The following DOP1B variants were observed in gnomAD, a reference collection of about 807,000 sequenced individuals.
The protein encoded by DOP1B is DOP1 leucine zipper like protein B.
A neutral mutation model predicts 233.5 loss-of-function variants in DOP1B; 174 were observed. That is an observed-to-expected ratio of 0.75 (90% CI 0.66 to 0.85). The LOEUF is 0.85. DOP1B is among the 40% of genes least tolerant of loss of function. DOP1B has a pLI of 0.00. For missense variants in DOP1B, 2,652 were observed against 2,846.6 expected (o/e 0.93, Z 1.56); for synonymous variants, 1,190 against 1,185.6 (o/e 1.00, Z -0.08).
chr21:36,263,879 A>G, intron 26 of DOP1B, 65 bp downstream of exon 26: 4 of 1,457,144 alleles, frequency 2.7e-6, no homozygotes, highest in Non-Finnish European at 3.8e-6. Flanking sequence ...CCTTTGGGGG[A>G]TATCAGATAG....
rs1016980377 is a variant in DOP1B at position 36,185,586 on chromosome 21, C to T, written c.139-13484C>T. Reference sequence around the variant, plus strand: ...CAGGTGTATGACGAGTATTTCAGGTCGGCCAGCGCCTTGTGAAGCCCACAC... The same window carrying T: ...CAGGTGTATGACGAGTATTTCAGGTTGGCCAGCGCCTTGTGAAGCCCACAC... On this transcript the variant is annotated intron_variant, in intron 2 of 36. Transcript: ENST00000691173. Among the ~76,000 whole-genome samples, 12 of 152,282 alleles carry T rather than the reference C, an allele frequency of 7.9e-5. No homozygotes were observed. In the East Asian group the frequency reaches 1.9e-3, roughly 24 times the overall value.
intron 2 of DOP1B, among the ~76,000 whole-genome samples, chr21:36,187,970 C>A (rs1462723002): frequency 6.6e-6 from 1 of 152,058 alleles, no homozygotes; most frequent in South Asian, 2.1e-4. Flanking sequence ...CAGTTCTACT[C>A]CTACTCAAGC....
At chr21:36,170,251 T>A in intron 2 of DOP1B, 1 of 349,638 alleles carries the variant, frequency 2.9e-6, no homozygotes. Flanking sequence ...GACTAATAAT[T>A]TTGAGCACCT....
At chr21:36,227,307 G>A (rs1015772463) in intron 12 of DOP1B, among the ~76,000 whole-genome samples, 8 of 152,174 alleles carry the variant, frequency 5.3e-5, no homozygotes, top group African/African-American at 1.7e-4. Context: ...CAGCACTTTG[G>A]GAGGCCAAGG....
chr21:36,184,459 T>G (rs547111149), intron 2 of DOP1B, among the ~76,000 whole-genome samples: 1 of 152,130 alleles, frequency 6.6e-6, no homozygotes, highest in African/African-American at 2.4e-5. Context: ...GCTGGGATCA[T>G]AGGCATGAGC....
chr21:36,245,643 C>G lies in DOP1B; in HGVS notation c.3663C>G (p.Val1221=). ...LKQQRERQEA[V]EALFKHILLY... is the part of the protein sequence containing the mutation. ...AGCAGCGGGAAAGGCAGGAGGCCGT[C>G]GAGGCCTTGTTCAAGCACATCCTGC... is the stretch of plus-strand genomic sequence containing the variant. The change falls in exon 19 of 37, where the codon GTC becomes GTG. Residue 1221 remains valine (V), a synonymous_variant. Transcript: ENST00000691173. The surrounding 1 kb of genome is among the most constrained non-coding windows in gnomAD (Gnocchi z 5.5). The G allele has an allele frequency of 6.2e-7, 1 of 1,613,462 alleles. No homozygotes were observed. The highest frequency in any genetic ancestry group is 8.5e-7 in the Non-Finnish European group (1 of 1,179,988).
chr21:36,185,771 G>A (rs1336899599), intron 2 of DOP1B, among the ~76,000 whole-genome samples: 2 of 152,242 alleles, frequency 1.3e-5, no homozygotes, highest in Non-Finnish European at 2.9e-5. Context: ...GTAGGCGTTA[G>A]TGGCAAGACA....
chr21:36,169,289 G>A (rs1025877606), intron 2 of DOP1B: 19 of 802,410 alleles, frequency 2.4e-5, no homozygotes, highest in South Asian at 6.8e-5. Context: ...GTTCTTGATC[G>A]GTTTGCTGTC....
chr21:36,218,408 A>C (rs577295476), intron 9 of DOP1B, among the ~76,000 whole-genome samples: 69 of 152,258 alleles, frequency 4.5e-4, no homozygotes, highest in African/African-American at 1.6e-3. Context: ...CTGTAATCCC[A>C]GCTGCTTGGG....
chr21:36,242,597 G>GCTA (rs1414749330), intron 18 of DOP1B, among the ~76,000 whole-genome samples: 1 of 152,130 alleles, frequency 6.6e-6, no homozygotes, highest in Non-Finnish European at 1.5e-5. Flanking sequence ...ACAGGCATGA[G>GCTA]CTACTACGCC....
chr21:36,255,970 T>C (rs1047203620), intron 23 of DOP1B, among the ~76,000 whole-genome samples: 9 of 152,146 alleles, frequency 5.9e-5, no homozygotes, highest in African/African-American at 1.9e-4. Flanking sequence ...GGGCAAGCTG[T>C]GTGGTTTAAT....
chr21:36,190,115 C>T (rs186658179), intron 2 of DOP1B, among the ~76,000 whole-genome samples: 1,303 of 111,684 alleles, frequency 0.012, 23 homozygotes, highest in African/African-American at 0.033. Flanking sequence ...GTCAGGAATT[C>T]GAGACCAGCC....
At chr21:36,189,958 C>T (rs1388074771) in intron 2 of DOP1B, among the ~76,000 whole-genome samples, 3 of 137,824 alleles carry the variant, frequency 2.2e-5, no homozygotes, top group Non-Finnish European at 4.6e-5. Context: ...TGCAGTGAGC[C>T]AAGATCACAC....
intron 9 of DOP1B, among the ~76,000 whole-genome samples, chr21:36,218,444 A>G (rs1471448850): frequency 6.6e-6 from 1 of 151,870 alleles, no homozygotes; most frequent in Admixed American, 6.6e-5. Context: ...AATTGCTTGA[A>G]CCCGGGAGGC....
In DOP1B at chr21:36,230,651, A is replaced by G; in HGVS notation, c.1867A>G (p.Met623Val). ...RDDVWKKGGS[M>V]QRTFLCIQEL... ...CGACGTTTGGAAGAAGGGCGGGAGC[A>G]TGCAGAGGACGTTTCTTTGCATCCA... The change falls in exon 14 of 37, where the codon ATG becomes GTG. Residue 623 changes from methionine to valine, a missense_variant. Transcript: ENST00000691173. 3.1e-6 allele frequency: 5 copies of G among 1,614,198 alleles called. No individual in the cohort carries two copies. Among genetic ancestry groups the G allele is most frequent in the East Asian group, 2.2e-5 (1 of 44,876 alleles).
At chr21:36,221,027 TC>T (rs1016831262) in intron 10 of DOP1B, among the ~76,000 whole-genome samples, 2 of 151,914 alleles carry the variant, frequency 1.3e-5, no homozygotes, top group African/African-American at 4.8e-5. Context: ...CACAGGCTGG[TC>T]TTGAATTCCT....
At chr21:36,256,633 C>G (rs2067100889) in intron 23 of DOP1B, among the ~76,000 whole-genome samples, 1 of 152,046 alleles carries the variant, frequency 6.6e-6, no homozygotes, top group Non-Finnish European at 1.5e-5. Flanking sequence ...AGTACTCAGC[C>G]TCGAGAGGAA....
At chr21:36,285,867 G>T (rs938220033) in intron 32 of DOP1B, among the ~76,000 whole-genome samples, 3 of 152,042 alleles carry the variant, frequency 2.0e-5, no homozygotes, top group Admixed American at 1.3e-4. Flanking sequence ...AGTTAGCTGA[G>T]CATGGTTTCA....
rs2065894006 is a variant in DOP1B at position 36,164,802 on chromosome 21, G to A, written c.69G>A (p.Lys23=). 5 of 1,612,472 alleles carry A rather than the reference G, an allele frequency of 3.1e-6. No homozygotes were observed. The highest frequency in any genetic ancestry group is 1.7e-5 in the Admixed American group (1 of 59,694). Residue 23 remains lysine, a synonymous_variant, in exon 2 of 37, where the codon AAG becomes AAA. Coordinates refer to ENST00000691173, the MANE Select transcript of DOP1B (RefSeq NM_001320714.2). The part of the protein sequence containing the change: ...RYRSYSSVIE[K]ALRNFESSSE... The stretch of plus-strand genomic sequence containing the variant: ...GAAGCTACTCTTCAGTGATTGAAAA[G>A]GCTTTGAGAAATTTTGAGTCCTCGA...
Sources: gnomAD v4.1 joint callset for allele counts (sites outside exome capture counted in the v4.1 genomes callset) on GRCh38, gnomAD v4.1.1 for gene constraint, Gnocchi (gnomAD v3.1) non-coding constraint, MANE v1.5 for transcripts, NCBI Gene and HGNC (gene_info 2026-07-23, HGNC 2026-07-21) for gene names.